The following CDH12 variants were observed in gnomAD, a reference collection of about 807,000 sequenced individuals.
CDH12 encodes cadherin 12.
A neutral mutation model predicts 74.1 loss-of-function variants in CDH12; 41 were observed. That is an observed-to-expected ratio of 0.55 (90% CI 0.43 to 0.72). CDH12 has a LOEUF of 0.72. Among genes scored for constraint, CDH12 ranks in the 30% least tolerant of loss-of-function variants. CDH12 has a pLI of 0.00. For synonymous variants in CDH12, 399 were observed against 355.0 expected (o/e 1.12, Z -1.39); for missense variants, 945 against 977.2 (o/e 0.97, Z 0.44).
At chr5:22,512,880 G>A (rs1204892826) in intron 1 of CDH12, among the ~76,000 whole-genome samples, 1 of 152,014 alleles carries the variant, frequency 6.6e-6, no homozygotes, top group Non-Finnish European at 1.5e-5. Flanking sequence ...TGGTCAACGT[G>A]GCAAAACCCC....
At chr5:22,153,903 T>TACAC (rs773341844) in intron 4 of CDH12, among the ~76,000 whole-genome samples, 9,096 of 111,024 alleles carry the variant, frequency 0.082, 506 homozygotes, top group Middle Eastern at 0.17. Flanking sequence ...TATATATATA[T>TACAC]ACACACACAT....
rs186482543 is a variant in CDH12 at position 22,388,770 on chromosome 5, G to A, written c.-333+16487C>T. Among the ~76,000 whole-genome samples the A allele has an allele frequency of 7.7e-4, 117 of 152,178 alleles. 1 individual carries two copies. Among genetic ancestry groups the A allele is most frequent in the African/African-American group, 2.6e-3 (106 of 41,530 alleles). ...TTGGGAAAGGAATCTAAATGTTAACGTAAATGCCTTAAATATAACTCTTCT... is the reference window on the plus strand; with the variant it reads ...TTGGGAAAGGAATCTAAATGTTAACATAAATGCCTTAAATATAACTCTTCT... On this transcript the variant is annotated intron_variant, in intron 3 of 14. Transcript: ENST00000382254.
At chr5:21,996,553 A>G (rs1736312952) in intron 5 of CDH12, among the ~76,000 whole-genome samples, 1 of 152,194 alleles carries the variant, frequency 6.6e-6, no homozygotes, top group African/African-American at 2.4e-5. Flanking sequence ...CAGAAATCAG[A>G]ATAGAAACTG....
At chr5:22,030,946 G>C (rs1738776004) in intron 5 of CDH12, among the ~76,000 whole-genome samples, 1 of 152,126 alleles carries the variant, frequency 6.6e-6, no homozygotes. Flanking sequence ...AACTCTCCTA[G>C]CTGCAGACTT....
chr5:22,824,015 A>C (rs1293286062), intron 1 of CDH12, among the ~76,000 whole-genome samples: 1 of 152,210 alleles, frequency 6.6e-6, no homozygotes, highest in African/African-American at 2.4e-5. Context: ...AACCAATGCA[A>C]ATAAATTCAT....
chr5:22,794,231 T>A (rs1033853066), intron 1 of CDH12, among the ~76,000 whole-genome samples: 30 of 152,194 alleles, frequency 2.0e-4, no homozygotes, highest in Non-Finnish European at 8.8e-5. Context: ...CTCCATCTAA[T>A]CAGACTTCAG....
At chr5:22,580,669 G>A in intron 1 of CDH12, 1 of 408,132 alleles carries the variant, frequency 2.5e-6, no homozygotes, top group South Asian at 2.2e-5. Context: ...ACAAAGAAGT[G>A]TTTCAAGTGG....
At chr5:22,447,040 CTAAGTA>C (rs1473722948) in intron 2 of CDH12, among the ~76,000 whole-genome samples, 1 of 152,034 alleles carries the variant, frequency 6.6e-6, no homozygotes, top group East Asian at 1.9e-4. Context: ...CATTAGCATA[CTAAGTA>C]TATTTACCAT....
intron 6 of CDH12, among the ~76,000 whole-genome samples, chr5:21,855,895 A>T (rs1458141203): frequency 6.6e-6 from 1 of 151,734 alleles, no homozygotes; most frequent in African/African-American, 2.4e-5. Context: ...TTTTCTTTTA[A>T]TAAAATGTTA....
intron 1 of CDH12, among the ~76,000 whole-genome samples, chr5:22,754,486 T>C (rs1354456928): frequency 6.7e-6 from 1 of 150,246 alleles, no homozygotes; most frequent in East Asian, 2.0e-4. Flanking sequence ...AGAAGATAGA[T>C]CTAGGTGATG....
At chr5:22,035,713 T>TACACATAC (rs1554002210) in intron 5 of CDH12, among the ~76,000 whole-genome samples, 3 of 143,252 alleles carry the variant, frequency 2.1e-5, no homozygotes, top group Non-Finnish European at 4.6e-5. Context: ...ACTTCACACA[T>TACACATAC]ACACACACAC....
chr5:21,809,102 C>T (rs1747598998), intron 9 of CDH12, among the ~76,000 whole-genome samples: 1 of 151,896 alleles, frequency 6.6e-6, no homozygotes, highest in African/African-American at 2.4e-5. Flanking sequence ...ATTAGAAATG[C>T]ACTTAATTTT....
intron 11 of CDH12, among the ~76,000 whole-genome samples, chr5:21,778,555 C>T (rs375475039): frequency 9.0e-5 from 13 of 145,216 alleles, no homozygotes; most frequent in African/African-American, 3.1e-4. Flanking sequence ...TCTTCATGAC[C>T]ATATTGTCAT....
At chr5:21,806,563 A>C (rs1561200939) in intron 9 of CDH12, among the ~76,000 whole-genome samples, 1 of 152,138 alleles carries the variant, frequency 6.6e-6, no homozygotes, top group East Asian at 1.9e-4. Flanking sequence ...GATGGTGATT[A>C]GATTCTGTAA....
At chr5:22,070,665 C>A (rs1172988554) in intron 5 of CDH12, among the ~76,000 whole-genome samples, 1 of 152,186 alleles carries the variant, frequency 6.6e-6, no homozygotes, top group African/African-American at 2.4e-5. Flanking sequence ...TACACAACTG[C>A]ATGAACCAAT....
chr5:21,988,976 G>A (rs913131912), intron 5 of CDH12, among the ~76,000 whole-genome samples: 1 of 152,214 alleles, frequency 6.6e-6, no homozygotes, highest in African/African-American at 2.4e-5. Flanking sequence ...ATACATCTGC[G>A]TATATTTGAG....
chr5:22,641,710 G>A (rs2126871378), intron 1 of CDH12, among the ~76,000 whole-genome samples: 1 of 152,140 alleles, frequency 6.6e-6, no homozygotes, highest in African/African-American at 2.4e-5. Flanking sequence ...TCGTTACTTG[G>A]CCAACTCTTT....
chr5:22,579,748 T>C (rs1367771984), intron 1 of CDH12, among the ~76,000 whole-genome samples: 1 of 152,196 alleles, frequency 6.6e-6, no homozygotes, highest in Admixed American at 6.5e-5. Context: ...TAGAGTAAAA[T>C]CACATTTTTA....
chr5:22,244,578 T>C (rs1418180930), intron 3 of CDH12, among the ~76,000 whole-genome samples: 1 of 53,110 alleles, frequency 1.9e-5, no homozygotes, highest in African/African-American at 7.6e-5. Context: ...AGAGAGTAAG[T>C]AAGAGAAAGA....
Sources: allele counts gnomAD v4.1 joint callset (sites outside exome capture counted in the v4.1 genomes callset), GRCh38; gene constraint gnomAD v4.1.1; transcripts MANE v1.5; gene names NCBI Gene and HGNC (gene_info 2026-07-23, HGNC 2026-07-21).